DEFB131B: variants seen among roughly 807,000 people sequenced by gnomAD.
DEFB131B encodes beta-defensin 131B.
In DEFB131B, 2 loss-of-function variants were observed where a neutral mutation model predicts 2.1. That is an observed-to-expected ratio of 0.94 (90% CI 0.38 to 2.95). The LOEUF is 2.95. Among genes scored for constraint, DEFB131B ranks in the 30% most tolerant of loss-of-function variants. The probability of loss-of-function intolerance (pLI) is 0.09; values close to 1 mark genes in which losing one functional copy is unlikely to be tolerated. For synonymous variants in DEFB131B, 26 were observed against 25.8 expected (o/e 1.01, Z -0.03); for missense variants, 77 against 78.5 (o/e 0.98, Z 0.07).
chr11:71,880,284 A>G (rs903738812), intron 1 of DEFB131B, among the ~76,000 whole-genome samples: 3 of 152,166 alleles, frequency 2.0e-5, no homozygotes, highest in African/African-American at 7.2e-5. Context: ...AAAAAATTTC[A>G]TCATATGAAT....
chr11:71,880,003 G>T (rs1194089406), intron 1 of DEFB131B, among the ~76,000 whole-genome samples: 2 of 152,066 alleles, frequency 1.3e-5, no homozygotes, highest in African/African-American at 4.8e-5. Flanking sequence ...CTAAAGGAAT[G>T]AATTTTATAG....
At chr11:71,881,690 C>T (rs151259691) in intron 1 of DEFB131B, among the ~76,000 whole-genome samples, 246 of 151,828 alleles carry the variant, frequency 1.6e-3, no homozygotes, top group African/African-American at 5.6e-3. Context: ...AAGATTGGGA[C>T]TTTAACATAC....
At chr11:71,883,282 T>C (rs556531633) in intron 1 of DEFB131B, among the ~76,000 whole-genome samples, 3 of 152,036 alleles carry the variant, frequency 2.0e-5, no homozygotes, top group Non-Finnish European at 4.4e-5. Context: ...CCCAGAATAG[T>C]CAAAACAATG....
chr11:71,880,293 A>G (rs1463013734), intron 1 of DEFB131B, among the ~76,000 whole-genome samples: 3 of 152,182 alleles, frequency 2.0e-5, no homozygotes, highest in Admixed American at 1.3e-4. Flanking sequence ...CATCATATGA[A>G]TTATTTAGCA....
chr11:71,879,892 T>G (rs1952549441), intron 1 of DEFB131B, among the ~76,000 whole-genome samples: 1 of 152,186 alleles, frequency 6.6e-6, no homozygotes, highest in African/African-American at 2.4e-5. Flanking sequence ...TTTTCAAGAT[T>G]CATCCATGTT....
intron 1 of DEFB131B, among the ~76,000 whole-genome samples, chr11:71,882,095 T>G (rs1424165566): frequency 2.6e-5 from 4 of 151,558 alleles, no homozygotes; most frequent in Non-Finnish European, 4.4e-5. Flanking sequence ...AAGAAAATCT[T>G]AAAAGAAGCC....
rs558100327 is a variant in DEFB131B, at chr11:71,884,554, A to G, written c.206A>G (p.Lys69Arg). The G allele has an allele frequency of 1.4e-5, 23 of 1,602,620 alleles. No individual in the cohort carries two copies. The highest frequency in any genetic ancestry group is 8.0e-5 in the African/African-American group (6 of 74,678). ...ATCATTCAAATTGATGGACAAAAGA[A>G]GTGGTGAAAATTCTAACTCCATCTT... ...LKIIQIDGQK[K>R]W The change falls in exon 2 of 2, where the codon AAG becomes AGG. Residue 69 changes from lysine (K) to arginine (R), a missense_variant. Lys to Arg is a conservative substitution (Grantham distance 26). Transcript: ENST00000530210.
intron 1 of DEFB131B, among the ~76,000 whole-genome samples, chr11:71,879,324 A>G (rs1590731019): frequency 6.7e-6 from 1 of 150,212 alleles, no homozygotes; most frequent in Non-Finnish European, 1.5e-5. Flanking sequence ...TTTAACCACA[A>G]AACTAGCCAA....
intron 1 of DEFB131B, among the ~76,000 whole-genome samples, chr11:71,880,450 A>G (rs1729456259): frequency 6.6e-6 from 1 of 152,060 alleles, no homozygotes; most frequent in African/African-American, 2.4e-5. Context: ...AAGTCTGTTT[A>G]TCTCTTCCAA....
chr11:71,884,466 T>A lies in DEFB131B; in HGVS notation c.118T>A (p.Cys40Ser), dbSNP rs760846192. ...AGAATATTATCATTGCAGACTGAAGTGCAATGCTGATGAACATGCAATTAG... is the reference window on the plus strand; with the variant it reads ...AGAATATTATCATTGCAGACTGAAGAGCAATGCTGATGAACATGCAATTAG... ...PSEYYHCRLK[C>S]NADEHAIRYC... The change falls in exon 2 of 2, where the codon TGC becomes AGC. Residue 40 changes from cysteine to serine, a missense_variant. Cys to Ser is a moderately radical substitution (Grantham distance 112). Coordinates refer to ENST00000530210, the MANE Select transcript of DEFB131B (RefSeq NM_001242853.1). The A allele has an allele frequency of 4.1e-5, 66 of 1,610,128 alleles. No individual in the cohort carries two copies. The highest frequency in any genetic ancestry group is 5.3e-5 in the Non-Finnish European group (63 of 1,178,746).
intron 1 of DEFB131B, among the ~76,000 whole-genome samples, chr11:71,880,232 A>T (rs1427182867): frequency 6.6e-6 from 1 of 152,192 alleles, no homozygotes; most frequent in African/African-American, 2.4e-5. Flanking sequence ...GTGGATTTTA[A>T]AATTAATTTG....
intron 1 of DEFB131B, among the ~76,000 whole-genome samples, chr11:71,880,533 T>C (rs1426087323): frequency 1.3e-5 from 2 of 152,196 alleles, no homozygotes; most frequent in African/African-American, 4.8e-5. Context: ...CTCTGATTTT[T>C]ATTATTTCTT....
intron 1 of DEFB131B, among the ~76,000 whole-genome samples, chr11:71,879,455 T>C (rs553542927): frequency 2.6e-4 from 39 of 152,348 alleles, no homozygotes; most frequent in Admixed American, 4.6e-4. Context: ...TTTAGATTAC[T>C]GGTTGACTTA....
intron 1 of DEFB131B, among the ~76,000 whole-genome samples, chr11:71,882,779 C>T (rs967283978): frequency 1.3e-5 from 2 of 152,142 alleles, no homozygotes; most frequent in Non-Finnish European, 2.9e-5. Flanking sequence ...TAAATGGCAT[C>T]CAAACTGTTG....
At chr11:71,884,185 G>C (rs975682359) in intron 1 of DEFB131B, 1 of 413,780 alleles carries the variant, frequency 2.4e-6, no homozygotes, top group African/African-American at 2.1e-5. Flanking sequence ...TTAAAATTCT[G>C]TACATTTCCA....
At chr11:71,881,860 G>A (rs2121351560) in intron 1 of DEFB131B, among the ~76,000 whole-genome samples, 1 of 152,242 alleles carries the variant, frequency 6.6e-6, no homozygotes, top group East Asian at 1.9e-4. Context: ...TTTAATAAGT[G>A]TAGGCCAATT....
chr11:71,882,837 T>G (rs916715006), intron 1 of DEFB131B, among the ~76,000 whole-genome samples: 28 of 152,246 alleles, frequency 1.8e-4, no homozygotes, highest in African/African-American at 6.5e-4. Context: ...ACATAATTTT[T>G]TTGTAAAAAA....
intron 1 of DEFB131B, among the ~76,000 whole-genome samples, chr11:71,878,778 G>T (rs1250302393): frequency 7.9e-5 from 12 of 151,588 alleles, no homozygotes; most frequent in Non-Finnish European, 1.0e-4. Flanking sequence ...GTGAGCTTGG[G>T]AGTTCTAGAC....
At chr11:71,879,337 A>T (rs1411602636) in intron 1 of DEFB131B, among the ~76,000 whole-genome samples, 1 of 152,202 alleles carries the variant, frequency 6.6e-6, no homozygotes, top group African/African-American at 2.4e-5. Flanking sequence ...CTAGCCAATT[A>T]TATATAAGCA....
Sources: gnomAD v4.1 joint callset for allele counts (sites outside exome capture counted in the v4.1 genomes callset) on GRCh38, gnomAD v4.1.1 for gene constraint, MANE v1.5 for transcripts, NCBI Gene and HGNC (gene_info 2026-07-23, HGNC 2026-07-21) for gene names.